Variants in ZNF831 observed in about 807,000 individuals in gnomAD.
ZNF831 encodes zinc finger protein 831, also known as chromosome 20 open reading frame 174.
In ZNF831, 59 loss-of-function variants were observed where a neutral mutation model predicts 95.8. The ratio of observed to expected loss-of-function variants is 0.62; its 90% CI spans 0.50 to 0.77. The LOEUF is 0.77. Ranked by LOEUF, ZNF831 falls within the 30% of genes least tolerant of loss-of-function variation. The pLI, the probability that ZNF831 is intolerant of heterozygous loss-of-function variation, is 0.00. For synonymous variants in ZNF831, 961 were observed against 925.5 expected, an observed-to-expected ratio of 1.04 and a Z score of -0.70; for missense variants, 2,205 against 2,164.0, an observed-to-expected ratio of 1.02 and a Z score of -0.38.
chr20:59,189,650 T>C (rs1487197691), intron 1 of ZNF831, among the ~76,000 whole-genome samples: 2 of 152,252 alleles, frequency 1.3e-5, no homozygotes, highest in Non-Finnish European at 2.9e-5. Flanking sequence ...TAGCTGGGAT[T>C]ACAGGCTCCT....
At chr20:59,228,638 G>C (rs1986558912) in intron 4 of ZNF831, among the ~76,000 whole-genome samples, 1 of 152,152 alleles carries the variant, frequency 6.6e-6, no homozygotes, top group African/African-American at 2.4e-5. Flanking sequence ...AGAGAGGAGA[G>C]AGAGAGGGCA....
At chr20:59,251,443 G>A (rs545846521) in intron 4 of ZNF831, among the ~76,000 whole-genome samples, 20 of 152,294 alleles carry the variant, frequency 1.3e-4, no homozygotes, top group African/African-American at 4.3e-4. Context: ...AATGATTTCC[G>A]ATTTTGAATG....
rs1408247316 is a variant in ZNF831, at chr20:59,192,360, C to T, written c.1341C>T (p.Thr447=). Residue 447 remains threonine, a synonymous_variant, in exon 2 of 6, where the codon ACC becomes ACT. Transcript: ENST00000371030. The surrounding 1 kb of genome is among the most constrained non-coding windows in gnomAD (Gnocchi z 5.2). ...QGSIDLPTPY[T]YKDSFHFDIR... ...GCATCGACCTGCCCACGCCCTACAC[C>T]TACAAGGACTCCTTCCACTTTGACA... The T allele has an allele frequency of 1.2e-6, 2 of 1,611,478 alleles. No individual in the cohort carries two copies. Among genetic ancestry groups the T allele is most frequent in the Admixed American group, 1.7e-5 (1 of 59,856 alleles).
intron 1 of ZNF831, among the ~76,000 whole-genome samples, chr20:59,137,068 C>T (rs1240807494): frequency 1.3e-5 from 2 of 152,180 alleles, no homozygotes; most frequent in African/African-American, 2.4e-5. Flanking sequence ...TAGAAGGAGC[C>T]TGGGTCTTTG....
intron 4 of ZNF831, among the ~76,000 whole-genome samples, chr20:59,221,336 C>T (rs1171401623): frequency 6.6e-6 from 1 of 152,148 alleles, no homozygotes; most frequent in Non-Finnish European, 1.5e-5. Context: ...GTGAGACTTG[C>T]CCTCCAGGTT....
At chr20:59,148,667 G>A (rs1367595666) in intron 2 of ZNF831, among the ~76,000 whole-genome samples, 2 of 92,852 alleles carry the variant, frequency 2.2e-5, no homozygotes, top group Non-Finnish European at 3.9e-5. Flanking sequence ...GCGACAGAGC[G>A]AAACTCCGTC....
At chr20:59,209,893 C>A (rs1298861252) in intron 4 of ZNF831, among the ~76,000 whole-genome samples, 1 of 152,208 alleles carries the variant, frequency 6.6e-6, no homozygotes, top group Non-Finnish European at 1.5e-5. Flanking sequence ...CTTATAAAGA[C>A]ACTTGTCTTT....
At chr20:59,226,019 C>A (rs1986405861) in intron 4 of ZNF831, among the ~76,000 whole-genome samples, 1 of 152,162 alleles carries the variant, frequency 6.6e-6, no homozygotes, top group African/African-American at 2.4e-5. Context: ...ACATGGTGGC[C>A]TCATGGCCCT....
intron 4 of ZNF831, among the ~76,000 whole-genome samples, chr20:59,210,341 C>G (rs1210498982): frequency 6.6e-6 from 1 of 152,196 alleles, no homozygotes; most frequent in African/African-American, 2.4e-5. Context: ...GGCTTCCCTT[C>G]AGGAAGAAAG....
At chr20:59,128,565 A>T (rs917958198) in intron 1 of ZNF831, among the ~76,000 whole-genome samples, 10 of 152,142 alleles carry the variant, frequency 6.6e-5, no homozygotes, top group African/African-American at 2.4e-4. Flanking sequence ...CCGCAGTGTG[A>T]GCTGGCTGGT....
At position 59,191,278 on chromosome 20, in the gene ZNF831, G is replaced by C. The variant is rs751399619; in HGVS notation, c.259G>C (p.Val87Leu). The change falls in exon 2 of 6, where the codon GTG becomes CTG. Residue 87 changes from valine (V) to leucine (L), a missense_variant. Physicochemically the swap from Val to Leu is conservative, Grantham distance 32. Coordinates refer to ENST00000371030, the MANE Select transcript of ZNF831 (RefSeq NM_178457.3). ...LVTGSLDGGN[V>L]PFILSPVLQP... is the part of the protein sequence containing the mutation. ...GACGGGCAGCCTAGATGGGGGCAAC[G>C]TGCCCTTCATACTCAGCCCTGTGCT... The C allele has an allele frequency of 6.4e-7, 1 of 1,564,764 alleles. No homozygotes were observed. The highest frequency in any genetic ancestry group is 1.2e-5 in the South Asian group (1 of 85,336).
At chr20:59,198,964 G>A (rs1984322315) in intron 3 of ZNF831, among the ~76,000 whole-genome samples, 2 of 152,118 alleles carry the variant, frequency 1.3e-5, no homozygotes, top group South Asian at 4.1e-4. Flanking sequence ...TCTTTGAGGG[G>A]AGGTATTACT....
In ZNF831 at chr20:59,192,677, T is replaced by C. The variant is rs2146569595; in HGVS notation, c.1658T>C (p.Val553Ala). Reference protein sequence around the residue: ...GCRSGLSSTDVPSGHPRALVR... With the variant: ...GCRSGLSSTDAPSGHPRALVR... The stretch of plus-strand genomic sequence containing the variant: ...CGCTCGGGACTAAGCTCGACTGACG[T>C]TCCCAGTGGGCATCCCCGGGCCCTG... Residue 553 changes from valine (V) to alanine (A), a missense_variant, in exon 2 of 6, where the codon GTT becomes GCT. Transcript: ENST00000371030. The surrounding 1 kb of genome is among the most constrained non-coding windows in gnomAD (Gnocchi z 5.2). 2 of 1,557,018 alleles carry C rather than the reference T, an allele frequency of 1.3e-6. No homozygotes were observed. The highest frequency in any genetic ancestry group is 1.4e-5 in the African/African-American group (1 of 73,518).
intron 1 of ZNF831, among the ~76,000 whole-genome samples, chr20:59,125,342 C>T (rs1461107284): frequency 6.6e-6 from 1 of 152,204 alleles, no homozygotes; most frequent in Non-Finnish European, 1.5e-5. Context: ...GTGCTGGCTT[C>T]TGTGACTTGC....
At chr20:59,151,761 T>A (rs1291396425) in intron 2 of ZNF831, among the ~76,000 whole-genome samples, 1 of 152,254 alleles carries the variant, frequency 6.6e-6, no homozygotes, top group Non-Finnish European at 1.5e-5. Context: ...TTAGTAGGTT[T>A]GCCTCAAATA....
intron 1 of ZNF831, among the ~76,000 whole-genome samples, chr20:59,178,854 G>A (rs1429956908): frequency 6.6e-6 from 1 of 152,192 alleles, no homozygotes; most frequent in Non-Finnish European, 1.5e-5. Flanking sequence ...TAGGGAGGCT[G>A]TGCAGCTCAT....
At chr20:59,136,630 C>T (rs573564148) in intron 1 of ZNF831, among the ~76,000 whole-genome samples, 1 of 152,312 alleles carries the variant, frequency 6.6e-6, no homozygotes, top group African/African-American at 2.4e-5. Flanking sequence ...AAACCTCCCC[C>T]CTCCTCTGAG....
rs115578983 is a variant in ZNF831 at position 59,244,702 on chromosome 20, T to C, written c.4028-8276T>C. ...AAATACAGACAGACACCTTTTGTTG[T>C]TGTTTTTTACACAAAGGCTCATACC... On this transcript the variant is annotated intron_variant, in intron 4 of 5. Transcript: ENST00000371030. Among the ~76,000 whole-genome samples, 730 of 152,340 alleles carry C rather than the reference T, an allele frequency of 4.8e-3. 8 individuals carry two copies. The highest frequency in any genetic ancestry group is 0.016 in the African/African-American group (674 of 41,576).
rs375149579 is a variant in ZNF831 at position 59,244,002 on chromosome 20, G to A, written c.4028-8976G>A. On this transcript the variant is annotated intron_variant, in intron 4 of 5. Coordinates refer to ENST00000371030, the MANE Select transcript of ZNF831 (RefSeq NM_178457.3). ...CAATTTATCCTCTCTTTATTTTAGC[G>A]CATTCTCTTCTTGTCTGGGCATGAT... 7.4e-4 allele frequency among the ~76,000 whole-genome samples: 113 copies of A among 151,864 alleles called. 1 individual carries two copies. The highest frequency in any genetic ancestry group is 3.4e-3 in the Middle Eastern group (1 of 294).
Sources: allele counts gnomAD v4.1 joint callset (sites outside exome capture counted in the v4.1 genomes callset), GRCh38; gene constraint gnomAD v4.1.1; non-coding constraint Gnocchi (gnomAD v3.1); transcripts MANE v1.5; gene names NCBI Gene and HGNC (gene_info 2026-07-23, HGNC 2026-07-21).